Variants in RBFOX1 observed in about 807,000 individuals in gnomAD.
RBFOX1 encodes the protein RNA binding protein fox-1 homolog 1.
RBFOX1 carries 8 observed loss-of-function variants against 57.7 expected under a neutral mutation model. The ratio of observed to expected loss-of-function variants is 0.14; its 90% confidence interval spans 0.08 to 0.25. The LOEUF is 0.25. Ranked by LOEUF, RBFOX1 falls within the 10% of genes least tolerant of loss-of-function variation. RBFOX1 has a pLI of 1.00. For synonymous variants in RBFOX1, 326 were observed against 222.4 expected (o/e 1.47, Z -4.15); for missense variants, 611 against 548.5 (o/e 1.11, Z -1.14).
At chr16:6,598,730 G>A (rs1470619709) in intron 2 of RBFOX1, among the ~76,000 whole-genome samples, 6 of 152,202 alleles carry the variant, frequency 3.9e-5, no homozygotes, top group East Asian at 3.9e-4. Context: ...GGCAGATCAC[G>A]AGGTTGGGAG....
intron 3 of RBFOX1, among the ~76,000 whole-genome samples, chr16:6,821,793 T>G (rs147807800): frequency 2.0e-5 from 3 of 152,326 alleles, no homozygotes; most frequent in African/African-American, 7.2e-5. Context: ...TTGGGTTGTT[T>G]CCATTTTCTA....
chr16:5,755,777 T>C (rs1221853348), intron 3 of RBFOX1, among the ~76,000 whole-genome samples: 2 of 152,000 alleles, frequency 1.3e-5, no homozygotes, highest in Non-Finnish European at 2.9e-5. Flanking sequence ...TTTTTGTATT[T>C]AGTAGACATG....
chr16:7,614,060 G>T (rs2058023991), intron 10 of RBFOX1, among the ~76,000 whole-genome samples: 1 of 152,076 alleles, frequency 6.6e-6, no homozygotes, highest in South Asian at 2.1e-4. Flanking sequence ...GCCCCTCTTG[G>T]CTCCAACACT....
chr16:6,828,653 G>GA (rs2092432621), intron 3 of RBFOX1, among the ~76,000 whole-genome samples: 1 of 152,002 alleles, frequency 6.6e-6, no homozygotes, highest in Non-Finnish European at 1.5e-5. Context: ...TTTGACCTAG[G>GA]ATTCACCTAG....
intron 2 of RBFOX1, among the ~76,000 whole-genome samples, chr16:6,569,848 T>C (rs2097320371): frequency 6.6e-6 from 1 of 152,214 alleles, no homozygotes; most frequent in Non-Finnish European, 1.5e-5. Context: ...GTCTTCCCTA[T>C]TTATATCTTT....
intron 3 of RBFOX1, among the ~76,000 whole-genome samples, chr16:6,874,693 C>A (rs2061524543): frequency 6.6e-6 from 1 of 151,800 alleles, no homozygotes; most frequent in African/African-American, 2.4e-5. Context: ...AATATACTAA[C>A]ATATTCTCGC....
chr16:7,158,582 T>G (rs1310934966), intron 4 of RBFOX1, among the ~76,000 whole-genome samples: 2 of 152,026 alleles, frequency 1.3e-5, no homozygotes, highest in African/African-American at 2.4e-5. Flanking sequence ...TTGTGTGGTG[T>G]GTATGTGCCT....
At chr16:6,771,925 A>G (rs1401001336) in intron 3 of RBFOX1, among the ~76,000 whole-genome samples, 2 of 152,148 alleles carry the variant, frequency 1.3e-5, no homozygotes. Flanking sequence ...GGAAGAGGTT[A>G]TCTCCTACTC....
At chr16:5,417,288 T>G (rs1038906998) in intron 1 of RBFOX1, among the ~76,000 whole-genome samples, 2 of 152,222 alleles carry the variant, frequency 1.3e-5, no homozygotes, top group Non-Finnish European at 2.9e-5. Flanking sequence ...CCGAACGTAA[T>G]TTAATGAGAA....
intron 3 of RBFOX1, among the ~76,000 whole-genome samples, chr16:6,954,418 T>A (rs2081349253): frequency 6.6e-6 from 1 of 152,156 alleles, no homozygotes. Context: ...ATTTAATGAT[T>A]GGCATTTTTA....
At position 5,848,307 on chromosome 16, in the gene RBFOX1, A is replaced by G. The variant is rs148979166; in HGVS notation, c.319-18996A>G. ...ACCACCAGTGGACTCTATCCCCTAT[A>G]TGGAAACCCCTAACAAAAACCGATG... On this transcript the variant is annotated intron_variant, in intron 3 of 19. Transcript: ENST00000641259. Among the ~76,000 whole-genome samples the G allele has an allele frequency of 7.5e-3, 1,135 of 152,202 alleles. 11 individuals are homozygous for G. The highest frequency in any genetic ancestry group is 9.3e-3 in the Non-Finnish European group (633 of 67,988).
At chr16:7,648,158 G>A (rs1423002538) in intron 11 of RBFOX1, among the ~76,000 whole-genome samples, 6 of 152,120 alleles carry the variant, frequency 3.9e-5, no homozygotes, top group South Asian at 4.1e-4. Context: ...TGGATTATTC[G>A]TGTTAGTGGC....
chr16:5,881,535 C>G (rs1473608967), intron 4 of RBFOX1, among the ~76,000 whole-genome samples: 1 of 152,076 alleles, frequency 6.6e-6, no homozygotes, highest in Non-Finnish European at 1.5e-5. Flanking sequence ...CAAAAATTAG[C>G]TGGGTGTGGT....
intron 1 of RBFOX1, among the ~76,000 whole-genome samples, chr16:6,034,238 G>A (rs907505332): frequency 8.3e-5 from 12 of 144,330 alleles, no homozygotes; most frequent in African/African-American, 3.1e-4. Flanking sequence ...GGGAGGCTGA[G>A]GCAGAAGAAT....
chr16:7,640,699 T>G, intron 11 of RBFOX1, among the ~76,000 whole-genome samples: 1 of 152,152 alleles, frequency 6.6e-6, no homozygotes, highest in Non-Finnish European at 1.5e-5. Context: ...TGACAGAAAG[T>G]GTTTTTTAAT....
At chr16:7,696,900 T>G (rs891395407) in intron 14 of RBFOX1, among the ~76,000 whole-genome samples, 2 of 152,116 alleles carry the variant, frequency 1.3e-5, no homozygotes, top group African/African-American at 4.8e-5. Context: ...ACCCTGTGGT[T>G]GAGACATACT....
intron 11 of RBFOX1, among the ~76,000 whole-genome samples, chr16:7,649,868 G>A (rs772719966): frequency 1.3e-5 from 2 of 152,098 alleles, no homozygotes; most frequent in African/African-American, 4.8e-5. Context: ...GAGGAACAGG[G>A]CAGCCCTCTT....
intron 1 of RBFOX1, among the ~76,000 whole-genome samples, chr16:5,272,967 T>C (rs1380441498): frequency 6.6e-6 from 1 of 152,216 alleles, no homozygotes; most frequent in Non-Finnish European, 1.5e-5. Context: ...TACTTTGTTT[T>C]TCCCTATAAA....
Position 6,019,053 on chromosome 16 carries a change from G to C in RBFOX1, c.-1066G>C, listed in dbSNP as rs1253599905. The C allele has an allele frequency of 1.0e-6, 1 of 971,574 alleles. No homozygotes were observed. Among genetic ancestry groups the C allele is most frequent in the African/African-American group, 1.8e-5 (1 of 56,692 alleles). The allele number at this position is 971,574 out of a possible 1,614,324, so 60.2% of individuals were successfully genotyped here. On this transcript the variant is annotated 5_prime_UTR_variant, in exon 1 of 16. Coordinates refer to ENST00000550418, the MANE Select transcript of RBFOX1 (RefSeq NM_018723.4). This position sits in a 1 kb window ranked among gnomAD's most constrained non-coding sequence, Gnocchi z 4.2. ...TATTTTTGGCTCCGCAGCCGGGGCT[G>C]CTCGCTGCTTGTCGCGCGCTCACAC...
Sources: gnomAD v4.1 joint callset for allele counts (sites outside exome capture counted in the v4.1 genomes callset) on GRCh38, gnomAD v4.1.1 for gene constraint, Gnocchi (gnomAD v3.1) non-coding constraint, MANE v1.5 for transcripts, NCBI Gene and HGNC (gene_info 2026-07-23, HGNC 2026-07-21) for gene names.